COPB2: variants seen among roughly 807,000 people sequenced by gnomAD.
The protein encoded by COPB2 is coat protein complex I subunit beta 2, also known as coatomer subunit beta'.
A neutral mutation model predicts 120.8 loss-of-function variants in COPB2; 16 were observed. That is an observed-to-expected ratio of 0.13 (90% CI 0.09 to 0.20). COPB2 has a LOEUF of 0.20. Ranked by LOEUF, COPB2 falls within the 10% of genes least tolerant of loss-of-function variation. The pLI, the probability that COPB2 is intolerant of heterozygous loss-of-function variation, is 1.00. For synonymous variants in COPB2, 332 were observed against 366.3 expected (o/e 0.91, Z 1.07); for missense variants, 794 against 1,076.5 (o/e 0.74, Z 3.67).
intron 12 of COPB2, 133 bp downstream of exon 12, chr3:139,369,128 T>C: frequency 1.7e-6 from 1 of 589,888 alleles, no homozygotes; most frequent in Non-Finnish European, 3.0e-6. Context: ...TTCTAAGTGC[T>C]GTTTTATATT....
chr3:139,361,109 C>A lies in COPB2; in HGVS notation c.2182G>T (p.Ala728Ser), dbSNP rs1396883848. The part of the protein sequence containing the change: ...GAERDGKNNV[A>S]FMSYFLQGKV... Reference sequence around the variant, plus strand: ...CCCTGTAAAAAGTAGCTCATGAATGCCACATTATTTTTGCCATCTCTCTCC... The same window carrying A: ...CCCTGTAAAAAGTAGCTCATGAATGACACATTATTTTTGCCATCTCTCTCC... Residue 728 changes from alanine to serine, a missense_variant, in exon 17 of 22, where the codon GCA becomes TCA. Ala to Ser is a moderately conservative substitution (Grantham distance 99). Around this residue, in one of 3 missense-constraint regions of COPB2, gnomAD observed 6 missense variants for 26.5 expected, o/e 0.23. Transcript: ENST00000333188. The A allele has an allele frequency of 6.2e-7, 1 of 1,614,066 alleles. No homozygotes were observed. Among genetic ancestry groups the A allele is most frequent in the African/African-American group, 1.3e-5 (1 of 74,932 alleles).
chr3:139,360,940 C>T, intron 17 of COPB2, 141 bp downstream of exon 17: 1 of 824,650 alleles, frequency 1.2e-6, no homozygotes, highest in Non-Finnish European at 1.9e-6. Flanking sequence ...GCCACCAAGG[C>T]AGCACTGTCC....
chr3:139,382,732 G>T (rs182532810), intron 2 of COPB2: 16 of 165,998 alleles, frequency 9.6e-5, no homozygotes, highest in Non-Finnish European at 1.7e-4. Flanking sequence ...CTTAAATACA[G>T]TCTAGGAAGA....
Position 139,361,164 on chromosome 3 carries a change from A to G in COPB2, c.2127T>C (p.Ala709=), listed in dbSNP as rs778790033. The change falls in exon 17 of 22, where the codon GCT becomes GCC. Residue 709 remains alanine (A), a synonymous_variant. Coordinates refer to ENST00000333188, the MANE Select transcript of COPB2 (RefSeq NM_004766.3). ...LLLLATASGN[A]NMVNKLAEGA... The stretch of plus-strand genomic sequence containing the variant: ...CCTCTGCTAGCTTGTTCACCATATT[A>G]GCATTTCCAGAGGCAGTGGCCAAAA... The G allele has an allele frequency of 6.2e-7, 1 of 1,614,212 alleles. No homozygotes were observed. The highest frequency in any genetic ancestry group is 1.7e-5 in the Admixed American group (1 of 60,024).
intron 2 of COPB2, chr3:139,382,721 T>A (rs1941837101): frequency 6.3e-6 from 1 of 157,592 alleles, no homozygotes; most frequent in African/African-American, 2.4e-5. Flanking sequence ...TGCTTTGTAC[T>A]CTTAAATACA....
At position 139,357,878 on chromosome 3, in the gene COPB2, A is replaced by T. The variant is rs1941320922; in HGVS notation, c.2706T>A (p.Asp902Glu). ...IDTTDINLDEDILDD is the reference protein window; with the variant it reads ...IDTTDINLDEEILDD ...AGCATTACAGTCAATCATCCAAAATATCTTCATCCAGATTGATATCTGTTG... is the reference window on the plus strand; with the variant it reads ...AGCATTACAGTCAATCATCCAAAATTTCTTCATCCAGATTGATATCTGTTG... The change falls in exon 22 of 22, where the codon GAT becomes GAA. Residue 902 changes from aspartate (D) to glutamate (E), a missense_variant. Asp to Glu is a conservative substitution (Grantham distance 45). Transcript: ENST00000333188. 8 of 1,576,184 alleles carry T rather than the reference A, an allele frequency of 5.1e-6. No individual in the cohort carries two copies. The South Asian group carries it at 6.8e-5, about 13-fold the overall frequency.
chr3:139,384,206 TTGAA>T (rs1221925287), intron 1 of COPB2, among the ~76,000 whole-genome samples: 1 of 152,248 alleles, frequency 6.6e-6, no homozygotes, highest in Non-Finnish European at 1.5e-5. Flanking sequence ...AGTCCATACT[TTGAA>T]TGGATCTTTC....
At chr3:139,388,393 G>A (rs1481878956) in intron 1 of COPB2, 1 of 134,586 alleles carries the variant, frequency 7.4e-6, no homozygotes, top group Non-Finnish European at 1.6e-5. Flanking sequence ...AAAAAAGAAG[G>A]TCCATGGATT....
At chr3:139,366,462 C>A (rs1353809472) in intron 15 of COPB2, 106 bp downstream of exon 15, 3 of 1,009,516 alleles carry the variant, frequency 3.0e-6, no homozygotes, top group Admixed American at 2.7e-5. Flanking sequence ...TCTATTGCCA[C>A]AGGAAATCAG....
At chr3:139,367,604 T>C (rs928765932) in intron 13 of COPB2, among the ~76,000 whole-genome samples, 6 of 152,056 alleles carry the variant, frequency 3.9e-5, no homozygotes, top group African/African-American at 1.2e-4. Flanking sequence ...TCTTTCTTCA[T>C]TTAAGAACAG....
intron 2 of COPB2, chr3:139,380,003 CTTTTTTTTTTT>C (rs869062825): frequency 1.9e-4 from 19 of 101,364 alleles, no homozygotes; most frequent in African/African-American, 5.8e-4. Flanking sequence ...TTTTTCTTTT[CTTTTTTTTTTT>C]TTTTTTTTTT....
intron 9 of COPB2, 29 bp downstream of exon 9, chr3:139,373,184 G>T: frequency 6.2e-7 from 1 of 1,608,598 alleles, no homozygotes; most frequent in Non-Finnish European, 8.5e-7. Flanking sequence ...ATACACAGAA[G>T]CTGAGGGACA....
chr3:139,358,606 G>A (rs904136954), intron 20 of COPB2, 138 bp downstream of exon 20: 17 of 651,628 alleles, frequency 2.6e-5, no homozygotes, highest in Admixed American at 1.9e-4. Flanking sequence ...GCGTGAACCC[G>A]GGAGACAGAG....
chr3:139,386,928 G>A (rs1163917957), intron 1 of COPB2, among the ~76,000 whole-genome samples: 1 of 151,880 alleles, frequency 6.6e-6, no homozygotes, highest in Non-Finnish European at 1.5e-5. Context: ...GCCAGGCGTG[G>A]TGACTCATGC....
chr3:139,369,592 A>G, intron 10 of COPB2, 48 bp from the exon 11 acceptor site: 1 of 1,098,502 alleles, frequency 9.1e-7, no homozygotes, highest in South Asian at 1.5e-5. Flanking sequence ...ATACTAAATC[A>G]TAGTTCTACC....
In COPB2 at chr3:139,379,155, C is replaced by G. The variant is rs79043251; in HGVS notation, c.247G>C (p.Val83Leu). ...VTGADDMQIRVFNYNTLERVH... is the reference protein window; with the variant it reads ...VTGADDMQIRLFNYNTLERVH... ...CTCTCCAGAGTATTGTAATTGAACA[C>G]TCTAATCTGCATGTCATCCTAGAAA... Residue 83 changes from valine (V) to leucine (L), a missense_variant, in exon 4 of 22, where the codon GTG becomes CTG. Val to Leu is a conservative substitution (Grantham distance 32). This residue lies in a region of COPB2 where 610 missense variants were observed against 866.7 expected (regional missense o/e 0.70). Coordinates refer to ENST00000333188, the MANE Select transcript of COPB2 (RefSeq NM_004766.3). 6.2e-7 allele frequency: 1 copy of G among 1,600,640 alleles called. No individual in the cohort carries two copies. The highest frequency in any genetic ancestry group is 8.5e-7 in the Non-Finnish European group (1 of 1,175,958).
chr3:139,362,163 T>TA (rs1365368897), intron 16 of COPB2, among the ~76,000 whole-genome samples: 3 of 152,224 alleles, frequency 2.0e-5, no homozygotes, highest in Admixed American at 1.3e-4. Flanking sequence ...TCACATAAGA[T>TA]ATGAAAACAA....
In COPB2 at chr3:139,366,820, TACACAAAC is replaced by T. The variant is rs916052033; in HGVS notation, c.1677-53_1677-46del. The T allele has an allele frequency of 5.7e-6, 9 of 1,585,026 alleles. No individual in the cohort carries two copies. In the Admixed American group the frequency reaches 1.0e-4, roughly 18 times the overall value. On this transcript the variant is annotated intron_variant, in intron 14 of 21. Coordinates refer to ENST00000333188, the MANE Select transcript of COPB2 (RefSeq NM_004766.3). ...CAAGTTAGAAATTCAAATCTGCAAT[TACACAAAC>T]ACACACCCCGCCAATCTCCCTCTTG...
At chr3:139,388,734 T>C (rs1941985973) in intron 1 of COPB2, among the ~76,000 whole-genome samples, 1 of 150,490 alleles carries the variant, frequency 6.6e-6, no homozygotes, top group South Asian at 2.1e-4. Flanking sequence ...CAAGCGATTC[T>C]CCTGCCTCAG....
Sources: gnomAD v4.1 joint callset for allele counts (sites outside exome capture counted in the v4.1 genomes callset) on GRCh38, gnomAD v4.1.1 for gene constraint, gnomAD v4.1.1 regional missense constraint, MANE v1.5 for transcripts, NCBI Gene and HGNC (gene_info 2026-07-23, HGNC 2026-07-21) for gene names.